The following LANCL1 variants were observed in gnomAD, a reference collection of about 807,000 sequenced individuals.
The protein encoded by LANCL1 is glutathione S-transferase LANCL1.
LANCL1 carries 50 observed loss-of-function variants against 50.6 expected under a neutral mutation model. The observed-to-expected ratio is 0.99, with a 90% CI of 0.79 to 1.25. LANCL1 has a LOEUF of 1.25. LANCL1 is among the 50% of genes most tolerant of loss of function. The probability of loss-of-function intolerance (pLI) is 0.00; values close to 1 mark genes in which losing one functional copy is unlikely to be tolerated. For missense variants in LANCL1, 532 were observed against 480.7 expected (o/e 1.11, Z -1.00); for synonymous variants, 188 against 178.6 (o/e 1.05, Z -0.42).
intron 6 of LANCL1, among the ~76,000 whole-genome samples, chr2:210,438,309 G>GT (rs918649169): frequency 6.6e-6 from 1 of 151,632 alleles, no homozygotes; most frequent in Non-Finnish European, 1.5e-5. Flanking sequence ...TAATTTTTGT[G>GT]TTTTTAGTAA....
chr2:210,453,285 C>T (rs1693565166), intron 4 of LANCL1, among the ~76,000 whole-genome samples: 1 of 152,120 alleles, frequency 6.6e-6, no homozygotes, highest in African/African-American at 2.4e-5. Flanking sequence ...CATTTTAATA[C>T]ACTAATATTG....
chr2:210,443,752 G>A (rs1296231426), intron 4 of LANCL1, among the ~76,000 whole-genome samples: 1 of 152,108 alleles, frequency 6.6e-6, no homozygotes, highest in East Asian at 1.9e-4. Context: ...TGATGTATTT[G>A]AAGTACTCTA....
intron 3 of LANCL1, among the ~76,000 whole-genome samples, chr2:210,462,039 C>T (rs776130273): frequency 2.0e-5 from 3 of 152,150 alleles, no homozygotes; most frequent in Admixed American, 6.5e-5. Context: ...TTATAAAGCA[C>T]TTTAGAATGT....
intron 3 of LANCL1, among the ~76,000 whole-genome samples, chr2:210,469,788 A>T (rs1399185970): frequency 6.6e-6 from 1 of 152,206 alleles, no homozygotes; most frequent in Non-Finnish European, 1.5e-5. Context: ...TAGCCCTAGC[A>T]ATATAAGGGC....
At chr2:210,442,174 GATTAT>G (rs1693160751) in intron 4 of LANCL1, among the ~76,000 whole-genome samples, 1 of 152,162 alleles carries the variant, frequency 6.6e-6, no homozygotes, top group South Asian at 2.1e-4. Context: ...AAAGTGCTGG[GATTAT>G]AGGTGTGAGC....
At chr2:210,472,904 A>G (rs1288389342) in intron 2 of LANCL1, among the ~76,000 whole-genome samples, 1 of 152,186 alleles carries the variant, frequency 6.6e-6, no homozygotes, top group Admixed American at 6.5e-5. Flanking sequence ...AAGGCAAGTA[A>G]TAGTTTAGAT....
chr2:210,475,292 C>T (rs371397217), intron 2 of LANCL1, among the ~76,000 whole-genome samples: 8 of 152,214 alleles, frequency 5.3e-5, no homozygotes, highest in Middle Eastern at 6.8e-3. Flanking sequence ...ATTTTTAAAG[C>T]GTGTGCCTTG....
intron 7 of LANCL1, among the ~76,000 whole-genome samples, chr2:210,436,634 T>C (rs561765363): frequency 6.6e-6 from 1 of 152,272 alleles, no homozygotes; most frequent in African/African-American, 2.4e-5. Context: ...TGTGTGTATG[T>C]TTATGTGGGT....
intron 3 of LANCL1, among the ~76,000 whole-genome samples, chr2:210,458,813 C>A (rs908510503): frequency 2.6e-5 from 4 of 152,090 alleles, no homozygotes; most frequent in Admixed American, 2.6e-4. Flanking sequence ...CTGAAGGACA[C>A]TTAATGAGAA....
intron 3 of LANCL1, among the ~76,000 whole-genome samples, chr2:210,462,061 G>A (rs1300183152): frequency 1.3e-5 from 2 of 152,146 alleles, no homozygotes; most frequent in African/African-American, 4.8e-5. Context: ...CTCCCCACTA[G>A]CACCTACAGT....
At chr2:210,461,952 C>T (rs1265047892) in intron 3 of LANCL1, among the ~76,000 whole-genome samples, 1 of 152,198 alleles carries the variant, frequency 6.6e-6, no homozygotes, top group East Asian at 1.9e-4. Flanking sequence ...ATGTTTATTT[C>T]TAACACAAGA....
intron 3 of LANCL1, among the ~76,000 whole-genome samples, chr2:210,464,147 C>T (rs773429401): frequency 3.3e-5 from 5 of 152,230 alleles, no homozygotes; most frequent in Admixed American, 1.3e-4. Context: ...TGTGTATATA[C>T]GAATTATTTG....
intron 2 of LANCL1, among the ~76,000 whole-genome samples, chr2:210,474,807 AG>A (rs1300175396): frequency 1.3e-5 from 2 of 152,142 alleles, no homozygotes; most frequent in African/African-American, 4.8e-5. Context: ...CAGTCTAAAT[AG>A]GTACATTTTA....
intron 2 of LANCL1, among the ~76,000 whole-genome samples, chr2:210,472,950 G>T (rs1164045367): frequency 6.6e-6 from 1 of 152,184 alleles, no homozygotes; most frequent in Non-Finnish European, 1.5e-5. Context: ...GGGCTGTGGG[G>T]TTAGTACCAC....
intron 3 of LANCL1, chr2:210,471,572 T>C (rs775803057): frequency 9.5e-5 from 44 of 463,222 alleles, no homozygotes; most frequent in Non-Finnish European, 1.3e-4. Flanking sequence ...TCTGGACATA[T>C]TTTATTCCTG....
chr2:210,454,212 GCATA>G (rs1375057399), intron 4 of LANCL1, among the ~76,000 whole-genome samples: 40 of 134,576 alleles, frequency 3.0e-4, no homozygotes, highest in Admixed American at 5.4e-4. Context: ...AGGGAGATAT[GCATA>G]CATACACACA....
Position 210,437,786 on chromosome 2 carries a change from G to T in LANCL1, c.777C>A (p.Gly259=), listed in dbSNP as rs1692985535. The change falls in exon 7 of 10, where the codon GGC becomes GGA. Residue 259 remains glycine, a synonymous_variant. Coordinates refer to ENST00000450366, the MANE Select transcript of LANCL1 (RefSeq NM_006055.3). The part of the protein sequence containing the change: ...DYVCQLKFPS[G]NYPPCIGDNR... ...TATCACCTATACATGGAGGGTAATT[G>T]CCAGAAGGGAATTTCAGCTGGCAGA... is the stretch of plus-strand genomic sequence containing the variant. 5 of 1,613,408 alleles carry T rather than the reference G, an allele frequency of 3.1e-6. No individual in the cohort carries two copies. The highest frequency in any genetic ancestry group is 1.7e-4 in the Middle Eastern group (1 of 6,058).
At chr2:210,436,460 G>C (rs1692938361) in intron 7 of LANCL1, 68 bp from the exon 8 acceptor site, 2 of 1,425,066 alleles carry the variant, frequency 1.4e-6, no homozygotes, top group African/African-American at 2.8e-5. Flanking sequence ...ATTCCTTCCT[G>C]ATAGATAAGA....
At position 210,434,456 on chromosome 2, in the gene LANCL1, T is replaced by C; in HGVS notation, c.*31A>G. Reference sequence around the variant, plus strand: ...GGGTTTGAATATACAGAAAGGGTCATGCAGTGAGTTGCAGGTGGCATGCTA... The same window carrying C: ...GGGTTTGAATATACAGAAAGGGTCACGCAGTGAGTTGCAGGTGGCATGCTA... On this transcript the variant is annotated 3_prime_UTR_variant, in exon 10 of 10. Coordinates refer to ENST00000450366, the MANE Select transcript of LANCL1 (RefSeq NM_006055.3). 2.6e-6 allele frequency: 4 copies of C among 1,562,912 alleles called. No homozygotes were observed. The highest frequency in any genetic ancestry group is 2.2e-5 in the East Asian group (1 of 44,532).
Sources: gnomAD v4.1 joint callset for allele counts (sites outside exome capture counted in the v4.1 genomes callset) on GRCh38, gnomAD v4.1.1 for gene constraint, MANE v1.5 for transcripts, NCBI Gene and HGNC (gene_info 2026-07-23, HGNC 2026-07-21) for gene names.